The following TCERG1 variants were observed in gnomAD, a reference collection of about 807,000 sequenced individuals.
TCERG1 encodes the protein TATA box binding protein (TBP)-associated factor, RNA polymerase II, S, 150kD.
Under a neutral mutation model 144.7 loss-of-function variants are expected in TCERG1, and 37 were observed. That is an observed-to-expected ratio of 0.26 (90% CI 0.20 to 0.34). The LOEUF (loss-of-function observed/expected upper bound fraction) is 0.34. Among genes scored for constraint, TCERG1 ranks in the 10% least tolerant of loss-of-function variants. The pLI, the probability that TCERG1 is intolerant of heterozygous loss-of-function variation, is 1.00. For missense variants in TCERG1, 1,027 were observed against 1,380.7 expected (o/e 0.74, Z 4.06); for synonymous variants, 492 against 458.2 (o/e 1.07, Z -0.94).
chr5:146,493,259 C>T (rs886940404), intron 16 of TCERG1, among the ~76,000 whole-genome samples: 1 of 151,874 alleles, frequency 6.6e-6, no homozygotes, highest in East Asian at 1.9e-4. Context: ...TAAGTGCTTC[C>T]CTATGGGAAT....
intron 1 of TCERG1, among the ~76,000 whole-genome samples, chr5:146,453,385 C>T (rs938329649): frequency 1.3e-5 from 2 of 152,182 alleles, no homozygotes; most frequent in Non-Finnish European, 2.9e-5. Context: ...TTACTATTTG[C>T]GTGCACACGT....
chr5:146,471,739 C>T (rs1204532118), intron 9 of TCERG1, among the ~76,000 whole-genome samples, 163 bp downstream of exon 9: 1 of 152,200 alleles, frequency 6.6e-6, no homozygotes, highest in Admixed American at 6.5e-5. Context: ...GCTGGGACTA[C>T]AGGCACACGC....
At chr5:146,493,332 A>C (rs1471915914) in intron 16 of TCERG1, among the ~76,000 whole-genome samples, 2 of 152,060 alleles carry the variant, frequency 1.3e-5, no homozygotes, top group Non-Finnish European at 2.9e-5. Context: ...AGTTTTATAC[A>C]TAATGAGTTG....
chr5:146,470,509 T>G lies in TCERG1; in HGVS notation c.1400-127T>G, dbSNP rs1764191358. 4.0e-6 allele frequency: 3 copies of G among 746,586 alleles called. 1 individual carries two copies. Among genetic ancestry groups the G allele is most frequent in the South Asian group, 4.1e-5 (2 of 48,342 alleles). The allele number at this position is 746,586 out of a possible 1,614,324, so 46.2% of individuals were successfully genotyped here. On this transcript the variant is annotated intron_variant, in intron 7 of 22. Coordinates refer to ENST00000679501, the MANE Select transcript of TCERG1 (RefSeq NM_001382548.1). ...TTACATAAGATTCAAATCAAAGATA[T>G]AAGGAAAGACATTTTATCTTCATGG...
chr5:146,507,495 A>G lies in TCERG1; in HGVS notation c.2961+288A>G. Reference sequence around the variant, plus strand: ...TAGATTTAGCAAATTTCTTCTTTTGATCCATTTTCAATTTGGTACTATGGC... The same window carrying G: ...TAGATTTAGCAAATTTCTTCTTTTGGTCCATTTTCAATTTGGTACTATGGC... On this transcript the variant is annotated intron_variant, in intron 20 of 22. Coordinates refer to ENST00000679501, the MANE Select transcript of TCERG1 (RefSeq NM_001382548.1). This position sits in a 1 kb window ranked among gnomAD's most constrained non-coding sequence, Gnocchi z 4.6. 2 of 351,132 alleles carry G rather than the reference A, an allele frequency of 5.7e-6. No homozygotes were observed. Among genetic ancestry groups the G allele is most frequent in the East Asian group, 9.5e-5 (2 of 21,116 alleles). The allele number at this position is 351,132 out of a possible 1,614,324, so 21.8% of individuals were successfully genotyped here.
intron 1 of TCERG1, among the ~76,000 whole-genome samples, chr5:146,452,349 G>T (rs1046560513): frequency 6.6e-6 from 1 of 152,178 alleles, no homozygotes; most frequent in African/African-American, 2.4e-5. Flanking sequence ...GGAATACCAT[G>T]ATAGGTACTC....
chr5:146,468,466 G>T (rs1763986700), intron 6 of TCERG1, 63 bp downstream of exon 6: 2 of 1,487,098 alleles, frequency 1.3e-6, no homozygotes, highest in Admixed American at 4.0e-5. Flanking sequence ...GAATGTTGTT[G>T]TTTATCCTTT....
At position 146,450,653 on chromosome 5, in the gene TCERG1, A is replaced by G. The variant is rs191024851; in HGVS notation, c.59+3245A>G. Reference sequence around the variant, plus strand: ...GGTGAGGTTGTTGTGATGAAGCAGTATAATATAAAGAGCCCAGCCCATGTT... The same window carrying G: ...GGTGAGGTTGTTGTGATGAAGCAGTGTAATATAAAGAGCCCAGCCCATGTT... On this transcript the variant is annotated intron_variant, in intron 1 of 22. Coordinates refer to ENST00000679501, the MANE Select transcript of TCERG1 (RefSeq NM_001382548.1). 5.6e-3 allele frequency among the ~76,000 whole-genome samples: 856 copies of G among 152,332 alleles called. 3 individuals are homozygous for G. The highest frequency in any genetic ancestry group is 8.2e-3 in the Non-Finnish European group (558 of 68,032).
intron 10 of TCERG1, 146 bp from the exon 11 acceptor site, chr5:146,479,709 A>AT (rs754855661): frequency 1.9e-4 from 129 of 682,296 alleles, no homozygotes; most frequent in Non-Finnish European, 2.8e-4. Context: ...AAATAGAGGA[A>AT]GTGTAGAATT....
chr5:146,489,238 A>G (rs1453019492), intron 15 of TCERG1, among the ~76,000 whole-genome samples: 1 of 152,276 alleles, frequency 6.6e-6, no homozygotes, highest in African/African-American at 2.4e-5. Flanking sequence ...TGAGATTGAT[A>G]TGCTAATTAC....
chr5:146,467,924 AG>A (rs1381667810), intron 5 of TCERG1, among the ~76,000 whole-genome samples: 17 of 152,206 alleles, frequency 1.1e-4, no homozygotes, highest in Non-Finnish European at 5.9e-5. Context: ...GTTTCAACTT[AG>A]CGGCAGCATA....
At chr5:146,450,556 TTAGA>T (rs1422912269) in intron 1 of TCERG1, among the ~76,000 whole-genome samples, 2 of 152,198 alleles carry the variant, frequency 1.3e-5, no homozygotes, top group East Asian at 1.9e-4. Context: ...AGCTAATAAC[TTAGA>T]TAGCACTTAC....
In TCERG1 at chr5:146,470,675, C is replaced by T. The variant is rs751794499; in HGVS notation, c.1439C>T (p.Pro480Leu). The T allele has an allele frequency of 6.8e-6, 11 of 1,612,996 alleles. No homozygotes were observed. The highest frequency in any genetic ancestry group is 1.7e-5 in the Admixed American group (1 of 59,772). ...EEKIKEPIKE[P>L]SEEPLPMETE... Reference sequence around the variant, plus strand: ...AAGATTAAAGAGCCAATTAAAGAACCCTCTGAAGAGCCTCTGCCAATGGAG... The same window carrying T: ...AAGATTAAAGAGCCAATTAAAGAACTCTCTGAAGAGCCTCTGCCAATGGAG... The change falls in exon 8 of 23, where the codon CCC (proline) becomes CTC (leucine). Residue 480 changes from proline to leucine, a missense_variant. By Grantham distance (98) the Pro-to-Leu change is moderately conservative. Transcript: ENST00000679501.
At position 146,503,370 on chromosome 5, in the gene TCERG1, T is replaced by A; in HGVS notation, c.2434-5T>A. 1 of 1,611,856 alleles carries A rather than the reference T, an allele frequency of 6.2e-7. No individual in the cohort carries two copies. The highest frequency in any genetic ancestry group is 1.7e-5 in the Admixed American group (1 of 59,904). On this transcript the variant is annotated splice_polypyrimidine_tract_variant and splice_region_variant and intron_variant, in intron 17 of 22. Transcript: ENST00000679501. ...TCCCATCCCACTACCTGTTTTAAAA[T>A]ACAGATTAAATCGGATTTCTTTGAA...
intron 12 of TCERG1, among the ~76,000 whole-genome samples, 186 bp from the exon 13 acceptor site, chr5:146,480,964 G>C (rs1462615773): frequency 2.1e-5 from 3 of 145,264 alleles, no homozygotes; most frequent in South Asian, 2.1e-4. Flanking sequence ...AACTGATTTT[G>C]TGCTTTTTTT....
intron 14 of TCERG1, among the ~76,000 whole-genome samples, 154 bp from the exon 15 acceptor site, chr5:146,483,386 G>GC (rs371585336): frequency 5.3e-5 from 8 of 152,144 alleles, no homozygotes; most frequent in African/African-American, 1.9e-4. Flanking sequence ...GCTATTGCTA[G>GC]CCTCCCACTG....
chr5:146,457,478 CT>C (rs767790127), intron 3 of TCERG1, 143 bp downstream of exon 3: 1 of 794,930 alleles, frequency 1.3e-6, no homozygotes, highest in Non-Finnish European at 1.9e-6. Flanking sequence ...TCAGGAGAAG[CT>C]GACTGGATTT....
chr5:146,506,411 C>T lies in TCERG1; in HGVS notation c.2782-617C>T, dbSNP rs185516517. ...GAGAAGTCATAATTGTATATACTTA[C>T]GGGGTACAGTTGCTGTTTTGATATA... is the stretch of plus-strand genomic sequence containing the variant. On this transcript the variant is annotated intron_variant, in intron 19 of 22. Coordinates refer to ENST00000679501, the MANE Select transcript of TCERG1 (RefSeq NM_001382548.1). Among the ~76,000 whole-genome samples the T allele has an allele frequency of 3.6e-4, 54 of 152,092 alleles. 1 individual carries two copies. Among genetic ancestry groups the T allele is most frequent in the Admixed American group, 3.0e-3 (46 of 15,286 alleles).
chr5:146,510,920 G>A lies in TCERG1; in HGVS notation c.*278G>A, dbSNP rs766673190. 10 of 244,922 alleles carry A rather than the reference G, an allele frequency of 4.1e-5. No homozygotes were observed. The highest frequency in any genetic ancestry group is 6.2e-5 in the Non-Finnish European group (8 of 128,550). 15.2% of individuals were successfully genotyped at this position (244,922 alleles called of 1,614,324 possible). A position where few individuals can be genotyped will look rare whatever the true frequency, so the allele number is the denominator to read the frequency against. On this transcript the variant is annotated 3_prime_UTR_variant, in exon 23 of 23. Transcript: ENST00000679501. ...CCTTTTATGAGGTGTGGAAGTCAGTGACTTGGTGACGTTCTTCCTAGCAGT... is the reference window on the plus strand; with the variant it reads ...CCTTTTATGAGGTGTGGAAGTCAGTAACTTGGTGACGTTCTTCCTAGCAGT...
Sources: allele counts gnomAD v4.1 joint callset (sites outside exome capture counted in the v4.1 genomes callset), GRCh38; gene constraint gnomAD v4.1.1; non-coding constraint Gnocchi (gnomAD v3.1); transcripts MANE v1.5; gene names NCBI Gene and HGNC (gene_info 2026-07-23, HGNC 2026-07-21).